SAMMSON: variants seen among roughly 807,000 people sequenced by gnomAD.
SAMMSON encodes survival associated mitochondrial melanoma specific oncogenic non-coding RNA.
intron 3 of SAMMSON, among the ~76,000 whole-genome samples, chr3:70,029,496 G>A (rs2067056279): frequency 6.6e-6 from 1 of 152,074 alleles, no homozygotes; most frequent in Non-Finnish European, 1.5e-5. Flanking sequence ...GCTCATGCCT[G>A]TAATGCTCCC....
chr3:70,268,304 G>T (rs929721435), intron 6 of SAMMSON, among the ~76,000 whole-genome samples: 8 of 151,934 alleles, frequency 5.3e-5, no homozygotes, highest in South Asian at 4.2e-4. Context: ...AACACCCACC[G>T]TCTGTACTAA....
intron 3 of SAMMSON, among the ~76,000 whole-genome samples, chr3:70,053,894 C>T (rs935544937): frequency 2.0e-5 from 3 of 152,066 alleles, no homozygotes; most frequent in East Asian, 1.9e-4. Context: ...TCCATTAATA[C>T]TAGAATGCAC....
intron 6 of SAMMSON, among the ~76,000 whole-genome samples, chr3:70,256,565 G>A (rs906887490): frequency 1.3e-5 from 2 of 152,114 alleles, no homozygotes; most frequent in African/African-American, 4.8e-5. Flanking sequence ...TACAATATTG[G>A]AAAACCTATG....
At chr3:70,405,284 A>AAAAAT (rs1701169372) in intron 2 of SAMMSON, among the ~76,000 whole-genome samples, 1 of 152,206 alleles carries the variant, frequency 6.6e-6, no homozygotes. Flanking sequence ...CTGATGGCCA[A>AAAAAT]AAAATAAAAT....
chr3:70,371,988 A>G (rs1038940921), intron 9 of SAMMSON, among the ~76,000 whole-genome samples: 5 of 151,980 alleles, frequency 3.3e-5, no homozygotes, highest in African/African-American at 1.2e-4. Context: ...TATGGCCTTT[A>G]TTATGTTGAG....
In SAMMSON at chr3:70,399,856, A is replaced by G. The variant is rs1701124576; in HGVS notation, n.233+41532A>G. ...CGTGACAGAGCAAGACTCTGACTCA[A>G]AAAAAAAAAACAAAAAAAAAACAAA... On this transcript the variant is annotated intron_variant and non_coding_transcript_variant, in intron 2 of 3. Transcript: ENST00000641053. Among the ~76,000 whole-genome samples the G allele has an allele frequency of 2.8e-5, 4 of 142,918 alleles. No individual in the cohort carries two copies. In the South Asian group the frequency reaches 6.3e-4, roughly 23 times the overall value. 93.8% of individuals were successfully genotyped at this position (142,918 alleles called of 152,430 possible).
intron 3 of SAMMSON, among the ~76,000 whole-genome samples, chr3:70,027,159 G>A (rs35048580): frequency 2.6e-4 from 40 of 152,090 alleles, no homozygotes; most frequent in Non-Finnish European, 4.7e-4. Flanking sequence ...GATTTATTTC[G>A]GTAGTTAGCT....
intron 3 of SAMMSON, among the ~76,000 whole-genome samples, chr3:70,039,303 G>A (rs552705503): frequency 4.0e-4 from 61 of 152,228 alleles, no homozygotes; most frequent in African/African-American, 1.1e-3. Context: ...AATTTTATGT[G>A]CCAACTTAGT....
At chr3:70,265,119 C>T (rs1316362919) in intron 6 of SAMMSON, among the ~76,000 whole-genome samples, 1 of 152,122 alleles carries the variant, frequency 6.6e-6, no homozygotes, top group Non-Finnish European at 1.5e-5. Flanking sequence ...TGGGTCCCTC[C>T]CATGACATGT....
At chr3:70,168,775 C>T (rs536478239) in intron 4 of SAMMSON, among the ~76,000 whole-genome samples, 23 of 151,996 alleles carry the variant, frequency 1.5e-4, no homozygotes, top group African/African-American at 5.5e-4. Flanking sequence ...ATATACCTTG[C>T]TTATTATGTT....
intron 4 of SAMMSON, among the ~76,000 whole-genome samples, chr3:70,124,163 G>T (rs188599189): frequency 1.3e-5 from 2 of 152,294 alleles, no homozygotes; most frequent in African/African-American, 4.8e-5. Flanking sequence ...GTTGTACTTT[G>T]TCTTATCCCC....
At chr3:70,220,820 T>A (rs1576160029) in intron 4 of SAMMSON, among the ~76,000 whole-genome samples, 1 of 152,076 alleles carries the variant, frequency 6.6e-6, no homozygotes, top group African/African-American at 2.4e-5. Context: ...CAAAAGAAGG[T>A]CATTTCCTTT....
At chr3:70,173,932 C>A (rs1700984235) in intron 4 of SAMMSON, among the ~76,000 whole-genome samples, 1 of 151,842 alleles carries the variant, frequency 6.6e-6, no homozygotes. Context: ...CACATTTCTG[C>A]ATCTGGGGAA....
At chr3:70,022,957 T>C (rs1164879562) in intron 3 of SAMMSON, among the ~76,000 whole-genome samples, 1 of 152,222 alleles carries the variant, frequency 6.6e-6, no homozygotes, top group Non-Finnish European at 1.5e-5. Context: ...GTATTTCATG[T>C]AATTGCCTTG....
chr3:70,318,350 T>C (rs571853564), intron 7 of SAMMSON, among the ~76,000 whole-genome samples: 1 of 152,110 alleles, frequency 6.6e-6, no homozygotes, highest in South Asian at 2.1e-4. Context: ...ATAATTCCTA[T>C]AGATTTGTCT....
At chr3:70,056,549 T>TTCTC (rs138631519) in intron 3 of SAMMSON, among the ~76,000 whole-genome samples, 14 of 149,730 alleles carry the variant, frequency 9.4e-5, no homozygotes, top group Non-Finnish European at 1.3e-4. Context: ...TACATATTGT[T>TTCTC]TCTCTCTCTC....
intron 3 of SAMMSON, among the ~76,000 whole-genome samples, chr3:70,021,288 G>T (rs2067012393): frequency 6.6e-6 from 1 of 152,080 alleles, no homozygotes; most frequent in Non-Finnish European, 1.5e-5. Flanking sequence ...TTTCATATTA[G>T]ATTTTCTTTT....
intron 3 of SAMMSON, among the ~76,000 whole-genome samples, chr3:70,039,550 C>T (rs1178989431): frequency 2.0e-5 from 3 of 149,702 alleles, no homozygotes; most frequent in Non-Finnish European, 4.4e-5. Flanking sequence ...TGCCAGTCTC[C>T]ATAATTGCAA....
intron 6 of SAMMSON, among the ~76,000 whole-genome samples, chr3:70,282,498 T>G (rs924990902): frequency 2.0e-5 from 3 of 152,228 alleles, no homozygotes; most frequent in Non-Finnish European, 4.4e-5. Flanking sequence ...GCCCTGAGCC[T>G]CTGGTTTTAG....
Sources: gnomAD v4.1 joint callset for allele counts (sites outside exome capture counted in the v4.1 genomes callset) on GRCh38, gnomAD v4.1.1 for gene constraint, MANE v1.5 for transcripts, NCBI Gene and HGNC (gene_info 2026-07-23, HGNC 2026-07-21) for gene names.